SHROOM4: variants seen among roughly 807,000 people sequenced by gnomAD.
The protein encoded by SHROOM4 is protein Shroom4.
Under a neutral mutation model 80.3 loss-of-function variants are expected in SHROOM4, and 17 were observed. The observed-to-expected ratio is 0.21, with a 90% CI of 0.14 to 0.32. SHROOM4 has a LOEUF of 0.32. Ranked by LOEUF, SHROOM4 falls within the 10% of genes least tolerant of loss-of-function variation. The probability of loss-of-function intolerance (pLI) is 1.00; values close to 1 mark genes in which losing one functional copy is unlikely to be tolerated. For missense variants in SHROOM4, 993 were observed against 1,140.3 expected (o/e 0.87, Z 1.86); for synonymous variants, 400 against 437.5 (o/e 0.91, Z 1.07).
chrX:50,586,569 GGAGGA>G (rs1557244864), downstream of SHROOM4, among the ~76,000 whole-genome samples: 1 of 111,872 alleles, frequency 8.9e-6, no homozygotes, highest in Non-Finnish European at 1.9e-5. Flanking sequence ...ACACTGCTCA[GGAGGA>G]GAGGAGCTTT....
chrX:50,738,998 A>G (rs1557266957), intron 1 of SHROOM4, among the ~76,000 whole-genome samples: 1 of 111,571 alleles, frequency 9.0e-6, no homozygotes, highest in Non-Finnish European at 1.9e-5. Context: ...GACCAATGGA[A>G]CAGAACAGAG....
intron 2 of SHROOM4, among the ~76,000 whole-genome samples, chrX:50,674,601 A>G (rs1557261123): frequency 8.9e-6 from 1 of 112,016 alleles, no homozygotes; most frequent in African/African-American, 3.2e-5. Context: ...GACTTAATGT[A>G]GAGGTAATGT....
intron 5 of SHROOM4, among the ~76,000 whole-genome samples, chrX:50,627,260 C>T (rs1404300127): frequency 8.9e-6 from 1 of 111,744 alleles, no homozygotes; most frequent in African/African-American, 3.3e-5. Context: ...TCCATTTCTT[C>T]ATTTGGCAAG....
intron 1 of SHROOM4, among the ~76,000 whole-genome samples, chrX:50,727,707 G>A (rs1557265994): frequency 8.9e-6 from 1 of 112,420 alleles, no homozygotes; most frequent in African/African-American, 3.2e-5. Context: ...ATGGGAAACT[G>A]TGAGTCAATT....
At chrX:50,650,850 C>G (rs1369185312) in intron 2 of SHROOM4, among the ~76,000 whole-genome samples, 7 of 112,176 alleles carry the variant, frequency 6.2e-5, no homozygotes, top group African/African-American at 9.7e-5. Flanking sequence ...ACCAACCTAG[C>G]AAAATGCTTT....
At chrX:50,705,989 T>TACACACACACACACACAC (rs56363612) in intron 1 of SHROOM4, among the ~76,000 whole-genome samples, 2 of 74,393 alleles carry the variant, frequency 2.7e-5, no homozygotes, top group African/African-American at 9.5e-5. Context: ...TCTCATCCTC[T>TACACACACACACACACAC]ACACACACAC....
intron 1 of SHROOM4, among the ~76,000 whole-genome samples, chrX:50,719,057 T>C (rs1934039501): frequency 8.9e-6 from 1 of 112,013 alleles, no homozygotes; most frequent in Admixed American, 9.4e-5. Context: ...AAACTCTGCC[T>C]TCATAAACCC....
At chrX:50,801,287 A>AGAGAGAGAGAGAGAGAGAGG in intron 1 of SHROOM4, among the ~76,000 whole-genome samples, 1 of 107,017 alleles carries the variant, frequency 9.3e-6, no homozygotes, top group Non-Finnish European at 1.9e-5. Flanking sequence ...AGAGAGAGAG[A>AGAGAGAGAGAGAGAGAGAGG]GAGAACACGT....
chrX:50,601,942 C>CA (rs1180847313), intron 7 of SHROOM4, among the ~76,000 whole-genome samples: 1 of 111,598 alleles, frequency 9.0e-6, no homozygotes, highest in Admixed American at 9.5e-5. Context: ...TTCAGAGAGA[C>CA]AGCATGTACT....
In SHROOM4 at chrX:50,607,372, T is replaced by C; in HGVS notation, c.3761+9A>G. 1 of 1,210,425 alleles carries C rather than the reference T, an allele frequency of 8.3e-7. No homozygotes were observed. ...CTTCAGAGACCTAGTATCTTTCATA[T>C]GTACTTACTTGGCGGATTCAGTGGC... On this transcript the variant is annotated intron_variant, in intron 6 of 8. Coordinates refer to ENST00000376020, the MANE Select transcript of SHROOM4 (RefSeq NM_020717.5).
Position 50,634,660 on chromosome X carries a change from G to A in SHROOM4, c.1413C>T (p.Ser471=), listed in dbSNP as rs1931246807. The part of the protein sequence containing the change: ...CPPTGGTHDQ[S]SKERKTRQVD... ...CTTGTCTGGTCTTTCTTTCTTTGCTGGACTGGTCATGGGTTCCTCCTGTAG... is the reference window on the plus strand; with the variant it reads ...CTTGTCTGGTCTTTCTTTCTTTGCTAGACTGGTCATGGGTTCCTCCTGTAG... The change falls in exon 4 of 9, where the codon TCC becomes TCT. Residue 471 remains serine (S), a synonymous_variant. Coordinates refer to ENST00000376020, the MANE Select transcript of SHROOM4 (RefSeq NM_020717.5). 2 of 1,211,795 alleles carry A rather than the reference G, an allele frequency of 1.7e-6. No individual in the cohort carries two copies. The highest frequency in any genetic ancestry group is 2.2e-6 in the Non-Finnish European group (2 of 895,560).
chrX:50,758,185 A>T (rs1472686492), intron 1 of SHROOM4, among the ~76,000 whole-genome samples: 2 of 111,973 alleles, frequency 1.8e-5, no homozygotes, highest in Non-Finnish European at 3.8e-5. Context: ...ATATAATATT[A>T]TCTATGAATA....
At chrX:50,753,383 A>C (rs1449101297) in intron 1 of SHROOM4, among the ~76,000 whole-genome samples, 2 of 112,358 alleles carry the variant, frequency 1.8e-5, no homozygotes, top group Non-Finnish European at 3.8e-5. Flanking sequence ...GTAATAATTT[A>C]AAGAACAGCT....
chrX:50,647,760 A>G (rs782114047), intron 2 of SHROOM4, among the ~76,000 whole-genome samples: 8 of 111,687 alleles, frequency 7.2e-5, no homozygotes, highest in Non-Finnish European at 1.3e-4. Flanking sequence ...GCCACTCCCC[A>G]GGTCATCTCT....
At chrX:50,786,067 TACC>T (rs1935733558) in intron 1 of SHROOM4, among the ~76,000 whole-genome samples, 1 of 111,512 alleles carries the variant, frequency 9.0e-6, no homozygotes, top group African/African-American at 3.3e-5. Flanking sequence ...ACGATGAGAC[TACC>T]ACATTAAAGC....
intron 1 of SHROOM4, among the ~76,000 whole-genome samples, chrX:50,775,708 A>G (rs1368188350): frequency 8.9e-6 from 1 of 111,862 alleles, no homozygotes; most frequent in Non-Finnish European, 1.9e-5. Context: ...TTACATACTC[A>G]TGTTATGAGC....
chrX:50,798,050 G>A (rs1415291874), intron 1 of SHROOM4, among the ~76,000 whole-genome samples: 1 of 110,372 alleles, frequency 9.1e-6, no homozygotes, highest in Non-Finnish European at 1.9e-5. Flanking sequence ...GAGGGGAGAG[G>A]GAGAGAGGGA....
chrX:50,762,882 T>G (rs185325408), intron 1 of SHROOM4, among the ~76,000 whole-genome samples: 182 of 112,079 alleles, frequency 1.6e-3, no homozygotes, highest in Middle Eastern at 4.6e-3. Context: ...TGTATATCTT[T>G]ATGCCTTTAT....
At chrX:50,770,336 G>A (rs1241070194) in intron 1 of SHROOM4, among the ~76,000 whole-genome samples, 1 of 112,321 alleles carries the variant, frequency 8.9e-6, no homozygotes, top group Non-Finnish European at 1.9e-5. Flanking sequence ...AACAAAGTCA[G>A]AAGAAAAGTA....
Sources: allele counts gnomAD v4.1 joint callset (sites outside exome capture counted in the v4.1 genomes callset), GRCh38; gene constraint gnomAD v4.1.1; transcripts MANE v1.5; gene names NCBI Gene and HGNC (gene_info 2026-07-23, HGNC 2026-07-21).